CCDC171: variants seen among roughly 807,000 people sequenced by gnomAD.
The protein encoded by CCDC171 is coiled-coil domain-containing protein 171.
In CCDC171, 177 loss-of-function variants were observed where a neutral mutation model predicts 168.2. The ratio of observed to expected loss-of-function variants is 1.05; its 90% CI spans 0.93 to 1.19. The LOEUF is 1.19. Among genes scored for constraint, CCDC171 ranks in the 50% most tolerant of loss-of-function variants. CCDC171 has a pLI of 0.00. For synonymous variants in CCDC171, 687 were observed against 540.8 expected, an observed-to-expected ratio of 1.27 and a Z score of -3.75; for missense variants, 1,991 against 1,539.0, an observed-to-expected ratio of 1.29 and a Z score of -4.91.
At chr9:15,767,332 C>T (rs1216316363) in intron 18 of CCDC171, among the ~76,000 whole-genome samples, 1 of 152,192 alleles carries the variant, frequency 6.6e-6, no homozygotes, top group Non-Finnish European at 1.5e-5. Context: ...TAGTTTATAG[C>T]TCTTTATTCC....
Position 15,728,000 on chromosome 9 carries a change from T to C in CCDC171, c.1824T>C (p.Asp608=), listed in dbSNP as rs752153338. Residue 608 remains aspartate (D), a synonymous_variant, in exon 15 of 26, where the codon GAT becomes GAC. Coordinates refer to ENST00000380701, the MANE Select transcript of CCDC171 (RefSeq NM_173550.4). ...GTGCAGTCTTACAGGAGAATGTTGA[T>C]GCCCTGATTGCAGACCTCAACAGGG... The part of the protein sequence containing the change: ...ELCAVLQENV[D]ALIADLNRAN... 1 of 1,613,086 alleles carries C rather than the reference T, an allele frequency of 6.2e-7. No individual in the cohort carries two copies. Among genetic ancestry groups the C allele is most frequent in the East Asian group, 2.2e-5 (1 of 44,856 alleles).
intron 25 of CCDC171, among the ~76,000 whole-genome samples, chr9:15,957,612 C>T (rs1829929585): frequency 6.6e-6 from 1 of 152,176 alleles, no homozygotes; most frequent in African/African-American, 2.4e-5. Context: ...AGACATTCAA[C>T]TCAAAGGAAA....
chr9:15,977,862 A>G (rs1831670778), downstream of CCDC171, among the ~76,000 whole-genome samples: 2 of 152,222 alleles, frequency 1.3e-5, no homozygotes, highest in Admixed American at 6.5e-5. Context: ...TTGGGTGTCT[A>G]TATAAGAGGA....
intron 7 of CCDC171, among the ~76,000 whole-genome samples, chr9:15,640,379 A>G (rs951849905): frequency 6.6e-6 from 1 of 152,138 alleles, no homozygotes; most frequent in Non-Finnish European, 1.5e-5. Context: ...CATGGAAAGT[A>G]GGAGAGCTAC....
At chr9:15,886,967 TG>T (rs1819509431) in intron 24 of CCDC171, among the ~76,000 whole-genome samples, 1 of 151,990 alleles carries the variant, frequency 6.6e-6, no homozygotes, top group East Asian at 1.9e-4. Context: ...AGAAGGTGGT[TG>T]GGGGTGGTTG....
intron 24 of CCDC171, among the ~76,000 whole-genome samples, chr9:15,901,274 T>C (rs1821619402): frequency 6.6e-6 from 1 of 152,188 alleles, no homozygotes; most frequent in African/African-American, 2.4e-5. Flanking sequence ...AGTGAATACA[T>C]GTCACTATAC....
At chr9:15,994,031 A>G (rs533027893) in intron 3 of CCDC171, among the ~76,000 whole-genome samples, 3 of 152,342 alleles carry the variant, frequency 2.0e-5, no homozygotes, top group Non-Finnish European at 4.4e-5. Flanking sequence ...CAGTGTGGCT[A>G]TTCCTTCAAG....
At chr9:15,724,233 T>C (rs1046994216) in intron 13 of CCDC171, among the ~76,000 whole-genome samples, 7 of 152,344 alleles carry the variant, frequency 4.6e-5, no homozygotes, top group African/African-American at 1.7e-4. Context: ...TGCAAAATTA[T>C]GCTGAGTCAA....
intron 8 of CCDC171, 38 bp downstream of exon 8, chr9:15,657,257 A>C (rs2048008025): frequency 1.5e-6 from 2 of 1,300,892 alleles, no homozygotes; most frequent in Non-Finnish European, 2.2e-6. Context: ...GCATTTTCTT[A>C]ATTTGTGTTA....
intron 3 of CCDC171, among the ~76,000 whole-genome samples, chr9:16,003,430 T>A (rs1247085487): frequency 1.3e-5 from 2 of 152,138 alleles, no homozygotes; most frequent in Non-Finnish European, 2.9e-5. Flanking sequence ...CTAAATTGAT[T>A]GGAGAAGTTA....
intron 2 of CCDC171, among the ~76,000 whole-genome samples, chr9:15,569,238 T>G (rs555307539): frequency 6.6e-6 from 1 of 152,122 alleles, no homozygotes; most frequent in Admixed American, 6.5e-5. Flanking sequence ...AGAGAGACAT[T>G]GTAGTGCAGT....
intron 6 of CCDC171, among the ~76,000 whole-genome samples, chr9:15,610,820 A>C (rs1679354836): frequency 6.6e-6 from 1 of 151,992 alleles, no homozygotes; most frequent in Non-Finnish European, 1.5e-5. Flanking sequence ...TGGCCTCCCA[A>C]AATCCTGGGA....
At chr9:15,700,143 T>G (rs2051594331) in intron 11 of CCDC171, among the ~76,000 whole-genome samples, 1 of 151,644 alleles carries the variant, frequency 6.6e-6, no homozygotes, top group Non-Finnish European at 1.5e-5. Flanking sequence ...ATGGAGGGGG[T>G]GGGAGGCAGG....
intron 6 of CCDC171, among the ~76,000 whole-genome samples, chr9:15,607,699 G>A (rs766709252): frequency 2.0e-5 from 3 of 152,086 alleles, no homozygotes; most frequent in Admixed American, 6.6e-5. Flanking sequence ...CTGAGCTCCA[G>A]TGATCCACCC....
chr9:15,935,800 A>C (rs1041350265), intron 25 of CCDC171, among the ~76,000 whole-genome samples: 2 of 152,058 alleles, frequency 1.3e-5, no homozygotes, highest in African/African-American at 4.8e-5. Flanking sequence ...ATATTTGAAA[A>C]TTATAGTAAT....
chr9:15,780,091 A>C (rs2057582322), intron 20 of CCDC171, among the ~76,000 whole-genome samples: 1 of 152,218 alleles, frequency 6.6e-6, no homozygotes, highest in Non-Finnish European at 1.5e-5. Flanking sequence ...CAGCAGGTGT[A>C]GTAGTTTAGT....
At chr9:16,066,567 C>T (rs1833993082), downstream of CCDC171, among the ~76,000 whole-genome samples, 1 of 148,954 alleles carries the variant, frequency 6.7e-6, no homozygotes, top group Non-Finnish European at 1.5e-5. Flanking sequence ...CCCACTAACT[C>T]GTCATCTAGC....
chr9:15,674,826 T>G (rs190706234), intron 9 of CCDC171, among the ~76,000 whole-genome samples: 1 of 152,310 alleles, frequency 6.6e-6, no homozygotes, highest in East Asian at 1.9e-4. Flanking sequence ...TTGAGAAGAA[T>G]GTATATTCTG....
At chr9:15,735,894 C>A (rs576245950) in intron 16 of CCDC171, among the ~76,000 whole-genome samples, 52 of 152,246 alleles carry the variant, frequency 3.4e-4, no homozygotes, top group Non-Finnish European at 6.5e-4. Flanking sequence ...CAAATAATTG[C>A]TTTAGAAATT....
Sources: allele counts gnomAD v4.1 joint callset (sites outside exome capture counted in the v4.1 genomes callset), GRCh38; gene constraint gnomAD v4.1.1; transcripts MANE v1.5; gene names NCBI Gene and HGNC (gene_info 2026-07-23, HGNC 2026-07-21).